The following SPATA16 variants were observed in gnomAD, a reference collection of about 807,000 sequenced individuals.
SPATA16 encodes spermatogenesis-associated protein 16.
Under a neutral mutation model 63.3 loss-of-function variants are expected in SPATA16, and 36 were observed. The ratio of observed to expected loss-of-function variants is 0.57; its 90% CI spans 0.44 to 0.75. SPATA16 has a LOEUF of 0.75. Ranked by LOEUF, SPATA16 falls within the 30% of genes least tolerant of loss-of-function variation. The probability of loss-of-function intolerance (pLI) is 0.00; values close to 1 mark genes in which losing one functional copy is unlikely to be tolerated. For missense variants in SPATA16, 646 were observed against 679.3 expected, an observed-to-expected ratio of 0.95 and a Z score of 0.54; for synonymous variants, 203 against 216.7, an observed-to-expected ratio of 0.94 and a Z score of 0.56.
chr3:172,967,009 C>G (rs1357248355), intron 5 of SPATA16, among the ~76,000 whole-genome samples: 3 of 152,124 alleles, frequency 2.0e-5, no homozygotes, highest in Non-Finnish European at 2.9e-5. Flanking sequence ...CAGATGCAAA[C>G]AAACACAGAG....
chr3:173,065,700 G>A (rs76312721), intron 2 of SPATA16, among the ~76,000 whole-genome samples: 5,620 of 152,244 alleles, frequency 0.037, 356 homozygotes, highest in African/African-American at 0.13. Flanking sequence ...CTTGCGGGAG[G>A]GAAAGTAAAG....
intron 1 of SPATA16, 74 bp downstream of exon 1, chr3:173,141,029 T>C (rs2108354145): frequency 6.6e-6 from 1 of 152,476 alleles, no homozygotes; most frequent in East Asian, 1.9e-4. Flanking sequence ...CTGAGGGTCA[T>C]CTCCCTTCCT....
intron 5 of SPATA16, among the ~76,000 whole-genome samples, chr3:172,975,823 T>C (rs985369673): frequency 2.6e-5 from 4 of 152,028 alleles, no homozygotes; most frequent in Admixed American, 2.0e-4. Context: ...TTGCTGGAAA[T>C]TGTGTATGAT....
rs1446041420 is a variant in SPATA16, at chr3:173,061,888, T to G, written c.613-12794A>C. The stretch of plus-strand genomic sequence containing the variant: ...AGTGGACTTAAAAGTACTATCAGAG[T>G]TTCAGGAGCAATGCTTTTCAGTCAA... On this transcript the variant is annotated intron_variant, in intron 2 of 10. Transcript: ENST00000351008. 3.9e-5 allele frequency among the ~76,000 whole-genome samples: 6 copies of G among 152,054 alleles called. No individual in the cohort carries two copies. The East Asian group carries it at 1.2e-3, about 29-fold the overall frequency.
At chr3:172,895,224 C>A (rs1038632381) in intron 10 of SPATA16, among the ~76,000 whole-genome samples, 3 of 152,222 alleles carry the variant, frequency 2.0e-5, no homozygotes, top group African/African-American at 4.8e-5. Context: ...GGAACAGTTC[C>A]ATTACCACAA....
intron 2 of SPATA16, among the ~76,000 whole-genome samples, chr3:173,088,502 T>A (rs1249698582): frequency 2.6e-5 from 4 of 152,180 alleles, no homozygotes; most frequent in Non-Finnish European, 5.9e-5. Context: ...TTTACACATA[T>A]GTGTGTATTT....
intron 10 of SPATA16, among the ~76,000 whole-genome samples, chr3:172,897,899 G>T (rs1308078214): frequency 6.6e-6 from 1 of 151,896 alleles, no homozygotes; most frequent in Non-Finnish European, 1.5e-5. Flanking sequence ...ATTTTTGGAG[G>T]TGCTCTTTAA....
chr3:172,967,304 G>T (rs1010540982), intron 5 of SPATA16, among the ~76,000 whole-genome samples: 3 of 152,130 alleles, frequency 2.0e-5, no homozygotes, highest in Admixed American at 2.0e-4. Flanking sequence ...TAAAGAAAAA[G>T]CTGCATTTAA....
intron 4 of SPATA16, among the ~76,000 whole-genome samples, chr3:173,004,135 T>C (rs1198844086): frequency 6.6e-6 from 1 of 152,224 alleles, no homozygotes; most frequent in Non-Finnish European, 1.5e-5. Context: ...GATTAATTTA[T>C]GTGCATAATA....
chr3:173,042,507 G>A (rs1021428426), intron 3 of SPATA16, among the ~76,000 whole-genome samples: 1 of 152,116 alleles, frequency 6.6e-6, no homozygotes, highest in Non-Finnish European at 1.5e-5. Flanking sequence ...ATTACAGGCA[G>A]AAAGGCATTT....
At chr3:173,006,118 A>G (rs566495364) in intron 4 of SPATA16, among the ~76,000 whole-genome samples, 7 of 152,320 alleles carry the variant, frequency 4.6e-5, no homozygotes, top group African/African-American at 1.7e-4. Context: ...AGCTATGGCA[A>G]ATGACTCAAT....
chr3:172,913,535 A>T (rs2109561852), intron 10 of SPATA16, 126 bp downstream of exon 10: 1 of 875,484 alleles, frequency 1.1e-6, no homozygotes, highest in East Asian at 2.6e-5. Flanking sequence ...GCATTTAATT[A>T]AAAAAGGAAA....
At chr3:173,055,440 C>T (rs1736198713) in intron 2 of SPATA16, among the ~76,000 whole-genome samples, 1 of 152,148 alleles carries the variant, frequency 6.6e-6, no homozygotes, top group Admixed American at 6.5e-5. Flanking sequence ...CACTACTTTA[C>T]AGTGAGAAGG....
At chr3:173,025,298 C>G (rs1021573706) in intron 3 of SPATA16, among the ~76,000 whole-genome samples, 68 of 151,850 alleles carry the variant, frequency 4.5e-4, no homozygotes, top group Middle Eastern at 7.0e-3. Context: ...TTACTTCATT[C>G]AAATTCCTTG....
chr3:173,109,178 C>T (rs928220161), intron 2 of SPATA16, among the ~76,000 whole-genome samples: 3 of 152,280 alleles, frequency 2.0e-5, no homozygotes, highest in Non-Finnish European at 4.4e-5. Flanking sequence ...CCGAGATGGT[C>T]AATGCCTACC....
chr3:173,001,993 T>C (rs1459532992), intron 4 of SPATA16, among the ~76,000 whole-genome samples: 1 of 152,224 alleles, frequency 6.6e-6, no homozygotes, highest in Non-Finnish European at 1.5e-5. Flanking sequence ...TATTAGTTGG[T>C]AGTATTCTGT....
chr3:173,009,722 A>G lies in SPATA16; in HGVS notation c.848+9764T>C, dbSNP rs144595054. 4.6e-4 allele frequency among the ~76,000 whole-genome samples: 70 copies of G among 152,326 alleles called. 1 individual carries two copies. The East Asian group carries it at 0.012, about 27-fold the overall frequency. On this transcript the variant is annotated intron_variant, in intron 4 of 10. Transcript: ENST00000351008. ...TCCAGTGTGCACACCTGCCTGTGTT[A>G]CTGGTCATAGGCAGTTGTCCAGGTT...
chr3:172,914,331 T>TCTA (rs1429321631), intron 9 of SPATA16, among the ~76,000 whole-genome samples: 1 of 152,180 alleles, frequency 6.6e-6, no homozygotes, highest in Non-Finnish European at 1.5e-5. Flanking sequence ...CCTGCTGTAC[T>TCTA]CTAATGTGAA....
At chr3:173,018,401 A>C (rs1735244713) in intron 4 of SPATA16, among the ~76,000 whole-genome samples, 1 of 151,166 alleles carries the variant, frequency 6.6e-6, no homozygotes, top group Non-Finnish European at 1.5e-5. Context: ...CAACCTCCTG[A>C]CTAGCTGGGA....
Sources: gnomAD v4.1 joint callset for allele counts (sites outside exome capture counted in the v4.1 genomes callset) on GRCh38, gnomAD v4.1.1 for gene constraint, MANE v1.5 for transcripts, NCBI Gene and HGNC (gene_info 2026-07-23, HGNC 2026-07-21) for gene names.